PIEZO1: variants seen among roughly 807,000 people sequenced by gnomAD.
PIEZO1 encodes piezo-type mechanosensitive ion channel component 1.
PIEZO1 carries 296 observed loss-of-function variants against 297.2 expected under a neutral mutation model. That is an observed-to-expected ratio of 1.00 (90% CI 0.91 to 1.10). The LOEUF is 1.10. PIEZO1 is among the 50% of genes least tolerant of loss of function. The pLI is 0.00. For missense variants in PIEZO1, 5,018 were observed against 3,455.5 expected (o/e 1.45, Z -11.34); for synonymous variants, 2,427 against 1,507.5 (o/e 1.61, Z -14.13).
rs750479923 is a variant in PIEZO1, at chr16:88,726,789, G to C, written c.3625C>G (p.Arg1209Gly). 3.9e-6 allele frequency: 6 copies of C among 1,550,140 alleles called. No homozygotes were observed. Among genetic ancestry groups the C allele is most frequent in the Non-Finnish European group, 5.2e-6 (6 of 1,146,884 alleles). ...CAGTCCCACAGCACGAGGCGGGCCCGTGTGTCCCTCTGCAGCAGGGCCGTG... is the reference window on the plus strand; with the variant it reads ...CAGTCCCACAGCACGAGGCGGGCCCCTGTGTCCCTCTGCAGCAGGGCCGTG... The part of the protein sequence containing the change: ...FGTALLQRDT[R>G]ARLVLWDCLI... Residue 1209 changes from arginine (R) to glycine (G), a missense_variant, in exon 25 of 51, where the codon CGG becomes GGG. Transcript: ENST00000301015.
chr16:88,743,752 T>C, intron 2 of PIEZO1: 2 of 420,182 alleles, frequency 4.8e-6, no homozygotes, highest in South Asian at 3.3e-5. Context: ...GGACTCCCTG[T>C]CCGCACCACC....
In PIEZO1 at chr16:88,723,293, C is replaced by G. The variant is rs565293295; in HGVS notation, c.4371G>C (p.Ala1457=). The stretch of plus-strand genomic sequence containing the variant: ...GCTCCTGCTGCCGCCGCCTCAGCAC[C>G]GCCTGGGCGTTGGTCACCCATGCCT... The part of the protein sequence containing the change: ...AYQAWVTNAQ[A]VLRRRQQEQE... The change falls in exon 32 of 51, where the codon GCG becomes GCC. Residue 1457 remains alanine, a synonymous_variant. Coordinates refer to ENST00000301015, the MANE Select transcript of PIEZO1 (RefSeq NM_001142864.4). 23 of 1,540,314 alleles carry G rather than the reference C, an allele frequency of 1.5e-5. No individual in the cohort carries two copies. The highest frequency in any genetic ancestry group is 1.9e-5 in the Non-Finnish European group (22 of 1,146,790).
chr16:88,782,459 T>G (rs1170420512), intron 1 of PIEZO1, among the ~76,000 whole-genome samples: 1 of 152,082 alleles, frequency 6.6e-6, no homozygotes, highest in African/African-American at 2.4e-5. Flanking sequence ...CCCCCAAGGC[T>G]CCAGCAACAT....
At chr16:88,744,150 C>T (rs1470556634) in intron 2 of PIEZO1, 5 of 166,346 alleles carry the variant, frequency 3.0e-5, no homozygotes, top group Middle Eastern at 3.0e-3. Context: ...CCCGCGCCCC[C>T]GCCTCTGTAC....
At chr16:88,768,547 C>T (rs1036749488) in intron 1 of PIEZO1, among the ~76,000 whole-genome samples, 7 of 152,268 alleles carry the variant, frequency 4.6e-5, no homozygotes, top group Non-Finnish European at 8.8e-5. Flanking sequence ...GCAGAGCGAG[C>T]AGCCGAACTC....
intron 1 of PIEZO1, among the ~76,000 whole-genome samples, chr16:88,760,218 C>T (rs552746381): frequency 2.0e-5 from 3 of 152,116 alleles, no homozygotes; most frequent in Non-Finnish European, 4.4e-5. Context: ...CCACGGGCTC[C>T]GCTCCCCCGG....
chr16:88,733,879 C>T (rs1905038570), intron 17 of PIEZO1, 27 bp downstream of exon 17: 1 of 1,474,340 alleles, frequency 6.8e-7, no homozygotes, highest in Non-Finnish European at 9.0e-7. Flanking sequence ...GACTGGGTGG[C>T]AGCTGTGCTC....
In PIEZO1 at chr16:88,722,216, A is replaced by C; in HGVS notation, c.4955+2T>G. ...CTGGTGTTGTGCGCGTCCCGCCCCC[A>C]CCTGTCCAGGAGCAGCTCGCTGGCC... On this transcript the variant is annotated splice_donor_variant, in intron 36 of 50. Coordinates refer to ENST00000301015, the MANE Select transcript of PIEZO1 (RefSeq NM_001142864.4). LOFTEE classifies it high-confidence loss of function. 6.5e-7 allele frequency: 1 copy of C among 1,545,230 alleles called. No individual in the cohort carries two copies. The highest frequency in any genetic ancestry group is 1.2e-5 in the South Asian group (1 of 83,892).
At chr16:88,751,674 TAAA>T (rs35999205) in intron 1 of PIEZO1, among the ~76,000 whole-genome samples, 3 of 146,474 alleles carry the variant, frequency 2.0e-5, no homozygotes, top group African/African-American at 7.6e-5. Flanking sequence ...ACATTTTCAT[TAAA>T]AAAAAAAAAA....
chr16:88,719,852 G>T lies in PIEZO1; in HGVS notation c.6273C>A (p.Gly2091=), dbSNP rs377053054. ...IRCGYPTRIL[G]NFLTKKYNHL... ...GATTGTACTTCTTGGTGAGGAAGTT[G>T]CCGAGGATGCGGGTGGGGTAGCCGC... Residue 2091 remains glycine, a synonymous_variant, in exon 43 of 51, where the codon GGC becomes GGA. Coordinates refer to ENST00000301015, the MANE Select transcript of PIEZO1 (RefSeq NM_001142864.4). 26 of 1,550,436 alleles carry T rather than the reference G, an allele frequency of 1.7e-5. No individual in the cohort carries two copies. The African/African-American group carries it at 3.4e-4, about 20-fold the overall frequency.
intron 1 of PIEZO1, among the ~76,000 whole-genome samples, chr16:88,783,286 T>C (rs1468566171): frequency 2.0e-5 from 3 of 152,196 alleles, no homozygotes; most frequent in Non-Finnish European, 4.4e-5. Context: ...AACACCTGTT[T>C]AGGTACAGCC....
At chr16:88,728,933 G>T (rs1249014567) in intron 22 of PIEZO1, among the ~76,000 whole-genome samples, 1 of 32,344 alleles carries the variant, frequency 3.1e-5, no homozygotes. Flanking sequence ...CCCAGGACAT[G>T]CTGAACTCAC....
At chr16:88,736,785 C>A (rs1043740874) in intron 10 of PIEZO1, 46 bp from the exon 11 acceptor site, 2 of 1,250,104 alleles carry the variant, frequency 1.6e-6, no homozygotes, top group African/African-American at 1.5e-5. Flanking sequence ...GATCTGCAGG[C>A]CTCCCCACCC....
At chr16:88,780,858 G>A (rs1037553398) in intron 1 of PIEZO1, among the ~76,000 whole-genome samples, 1 of 152,252 alleles carries the variant, frequency 6.6e-6, no homozygotes, top group Non-Finnish European at 1.5e-5. Flanking sequence ...TCAGGAGGCT[G>A]AGGCAGGAGG....
In PIEZO1 at chr16:88,742,315, G is replaced by A. The variant is rs1235608965; in HGVS notation, c.268C>T (p.Leu90Phe). 3 of 1,534,016 alleles carry A rather than the reference G, an allele frequency of 2.0e-6. No individual in the cohort carries two copies. Among genetic ancestry groups the A allele is most frequent in the Non-Finnish European group, 8.7e-7 (1 of 1,145,862 alleles). The change falls in exon 3 of 51, where the codon CTC becomes TTC. Residue 90 changes from leucine (L) to phenylalanine (F), a missense_variant. Physicochemically the swap from Leu to Phe is conservative, Grantham distance 22. Coordinates refer to ENST00000301015, the MANE Select transcript of PIEZO1 (RefSeq NM_001142864.4). Reference protein sequence around the residue: ...CLHIVPRLDQLLGPSCSRWET... With the variant: ...CLHIVPRLDQFLGPSCSRWET... ...AGCGACTCACAGCTGGGTCCCAGGA[G>A]CTGGTCCAGGCGGGGCACAATATGC... is the stretch of plus-strand genomic sequence containing the variant.
In PIEZO1 at chr16:88,735,232, C is replaced by G; in HGVS notation, c.1572G>C (p.Leu524=). ...ACTGGCGCAGCAGGAGCCAGAAGGT[C>G]AGGGTGTAGAGCAACTGTGACAAGC... ...LDLGAMLLYT[L]TFWLLLRQFV... Residue 524 remains leucine (L), a synonymous_variant, in exon 13 of 51, where the codon CTG becomes CTC. Transcript: ENST00000301015. 1 of 1,550,150 alleles carries G rather than the reference C, an allele frequency of 6.5e-7. No homozygotes were observed. Among genetic ancestry groups the G allele is most frequent in the Non-Finnish European group, 8.7e-7 (1 of 1,146,690 alleles).
chr16:88,741,420 C>T (rs970027299), intron 5 of PIEZO1, 58 bp downstream of exon 5: 280 of 1,413,442 alleles, frequency 2.0e-4, no homozygotes, highest in Non-Finnish European at 2.5e-4. Context: ...CTCAAAATGG[C>T]TGAGACCACA....
rs201226914 is a variant in PIEZO1 at position 88,732,511 on chromosome 16, G to C, written c.2815C>G (p.Leu939Val). Residue 939 changes from leucine to valine, a missense_variant, in exon 21 of 51, where the codon CTG becomes GTG. Physicochemically the swap from Leu to Val is conservative, Grantham distance 32 (BLOSUM62 1). Coordinates refer to ENST00000301015, the MANE Select transcript of PIEZO1 (RefSeq NM_001142864.4). ...IQNHLQVLLL[L>V]VFEAIVYRRQ... ...CGGTACACGATGGCCTCGAATACCA[G>C]CAGCAGCAGCACTTGCAGGTGGTTC... The C allele has an allele frequency of 1.3e-6, 2 of 1,544,922 alleles. No homozygotes were observed. The highest frequency in any genetic ancestry group is 1.8e-6 in the Non-Finnish European group (2 of 1,142,668).
chr16:88,725,041 T>C lies in PIEZO1; in HGVS notation c.4202A>G (p.Gln1401Arg). ...GTGGTCCAGCCAGGGCCGCCACCAC[T>C]GCCTCCGTGGCGGGGAGGAGCCCCC... Reference protein sequence around the residue: ...SPGGSSPPRRQWWRPWLDHAT... With the variant: ...SPGGSSPPRRRWWRPWLDHAT... The change falls in exon 30 of 51, where the codon CAG (glutamine) becomes CGG (arginine). Residue 1401 changes from glutamine (Q) to arginine (R), a missense_variant. Physicochemically the swap from Gln to Arg is conservative, Grantham distance 43. Transcript: ENST00000301015. The C allele has an allele frequency of 6.7e-7, 1 of 1,499,964 alleles. No homozygotes were observed. The allele number at this position is 1,499,964 out of a possible 1,614,324, so 92.9% of individuals were successfully genotyped here. A position where few individuals can be genotyped will look rare whatever the true frequency, so the allele number is the denominator to read the frequency against.
Sources: gnomAD v4.1 joint callset for allele counts (sites outside exome capture counted in the v4.1 genomes callset) on GRCh38, gnomAD v4.1.1 for gene constraint, MANE v1.5 for transcripts, NCBI Gene and HGNC (gene_info 2026-07-23, HGNC 2026-07-21) for gene names.